MICU1: variants seen among roughly 807,000 people sequenced by gnomAD.
The protein encoded by MICU1 is calcium uptake protein 1, mitochondrial.
MICU1 carries 45 observed loss-of-function variants against 56.8 expected under a neutral mutation model. The ratio of observed to expected loss-of-function variants is 0.79; its 90% CI spans 0.62 to 1.02. The LOEUF is 1.02. Ranked by LOEUF, MICU1 falls within the 50% of genes least tolerant of loss-of-function variation. The probability of loss-of-function intolerance (pLI) is 0.00; values close to 1 mark genes in which losing one functional copy is unlikely to be tolerated. For synonymous variants in MICU1, 186 were observed against 195.1 expected (o/e 0.95, Z 0.39); for missense variants, 504 against 587.1 (o/e 0.86, Z 1.46).
At chr10:72,500,151 C>T (rs1055979925) in intron 6 of MICU1, among the ~76,000 whole-genome samples, 3 of 150,476 alleles carry the variant, frequency 2.0e-5, no homozygotes, top group African/African-American at 7.3e-5. Flanking sequence ...AATTTTAAAG[C>T]CCTGGGTACC....
At chr10:72,543,322 C>A (rs1396996271) in intron 4 of MICU1, among the ~76,000 whole-genome samples, 1 of 152,082 alleles carries the variant, frequency 6.6e-6, no homozygotes, top group East Asian at 1.9e-4. Flanking sequence ...ATGTATATAA[C>A]CATGTGAAAA....
chr10:72,404,076 G>A (rs1334675878), intron 10 of MICU1, among the ~76,000 whole-genome samples: 4 of 151,802 alleles, frequency 2.6e-5, no homozygotes, highest in Admixed American at 2.0e-4. Flanking sequence ...TGTAACCTCT[G>A]CCTCCTGGGT....
Position 72,432,087 on chromosome 10 carries a change from C to CT in MICU1, c.934-8717dup, listed in dbSNP as rs35109632. 4.4e-3 allele frequency among the ~76,000 whole-genome samples: 527 copies of CT among 120,466 alleles called. 4 individuals are homozygous for CT. Among genetic ancestry groups the CT allele is most frequent in the East Asian group, 0.027 (113 of 4,126 alleles). 79.0% of individuals were successfully genotyped at this position (120,466 alleles called of 152,430 possible). On this transcript the variant is annotated intron_variant, in intron 8 of 11. Transcript: ENST00000361114. The stretch of plus-strand genomic sequence containing the variant: ...TATTTGCTTTTTGTTAATGTATTGC[C>CT]TTTTTTTTTTTTTTTTTTTAATTTG...
intron 11 of MICU1, 63 bp downstream of exon 11, chr10:72,375,716 TTATA>T: frequency 6.9e-7 from 1 of 1,451,168 alleles, no homozygotes; most frequent in South Asian, 1.2e-5. Flanking sequence ...CAAGGCTCCA[TTATA>T]CACAAGGGCC....
intron 1 of MICU1, among the ~76,000 whole-genome samples, chr10:72,608,371 C>T (rs1468057316): frequency 6.6e-6 from 1 of 152,096 alleles, no homozygotes; most frequent in Admixed American, 6.6e-5. Context: ...CTCTCCTGGC[C>T]GAAATGCTTC....
chr10:72,431,139 T>C (rs543869025), intron 8 of MICU1, among the ~76,000 whole-genome samples: 6 of 150,634 alleles, frequency 4.0e-5, no homozygotes, highest in African/African-American at 1.5e-4. Context: ...TATCTATCTA[T>C]CTATTTTCTG....
At chr10:72,476,899 C>T (rs1290705918) in intron 7 of MICU1, among the ~76,000 whole-genome samples, 1 of 152,174 alleles carries the variant, frequency 6.6e-6, no homozygotes, top group African/African-American at 2.4e-5. Flanking sequence ...AATTTAGCTT[C>T]CCAGCTAGAG....
rs1589281241 is a variant in MICU1 at position 72,500,242 on chromosome 10, TTATATACATACATACATACATATATATA to T, written c.652+7885_652+7912del. 2.3e-5 allele frequency among the ~76,000 whole-genome samples: 3 copies of T among 128,688 alleles called. No individual in the cohort carries two copies. The East Asian group carries it at 7.7e-4, about 33-fold the overall frequency. The allele number at this position is 128,688 out of a possible 152,430, so 84.4% of individuals were successfully genotyped here. On this transcript the variant is annotated intron_variant, in intron 6 of 11. Coordinates refer to ENST00000361114, the MANE Select transcript of MICU1 (RefSeq NM_001195518.2). ...AAGGAAGTTGCTTAATGATAAACTA[TTATATACATACATACATACATATATATA>T]TATATATATATATATATATATATAT...
In MICU1 at chr10:72,451,500, T is replaced by C. The variant is rs573101677; in HGVS notation, c.933+23600A>G. Among the ~76,000 whole-genome samples, 377 of 152,240 alleles carry C rather than the reference T, an allele frequency of 2.5e-3. 2 individuals are homozygous for C. Among genetic ancestry groups the C allele is most frequent in the African/African-American group, 8.7e-3 (363 of 41,536 alleles). ...GGCAGCAGAGATCTACCTTCAAGAG[T>C]ATCAGATTTGAAGAACTAGATGTAA... On this transcript the variant is annotated intron_variant, in intron 8 of 11. Coordinates refer to ENST00000361114, the MANE Select transcript of MICU1 (RefSeq NM_001195518.2).
intron 7 of MICU1, among the ~76,000 whole-genome samples, chr10:72,476,211 A>G (rs1307586604): frequency 1.6e-5 from 2 of 127,052 alleles, no homozygotes; most frequent in African/African-American, 6.2e-5. Flanking sequence ...TGGGTGACAG[A>G]GCGAGACTCC....
chr10:72,558,523 T>C (rs571260689), intron 3 of MICU1, among the ~76,000 whole-genome samples: 6 of 152,254 alleles, frequency 3.9e-5, no homozygotes, highest in Admixed American at 3.9e-4. Context: ...ACGGCAGGGC[T>C]TCTCTTGACC....
chr10:72,589,377 T>C (rs1197949703), intron 1 of MICU1, among the ~76,000 whole-genome samples: 13 of 152,074 alleles, frequency 8.5e-5, no homozygotes, highest in Admixed American at 8.5e-4. Context: ...CAATTCTAAC[T>C]GAGGAAATGC....
intron 7 of MICU1, among the ~76,000 whole-genome samples, chr10:72,476,279 G>T (rs1052641018): frequency 1.6e-4 from 24 of 151,454 alleles, no homozygotes; most frequent in Middle Eastern, 3.2e-3. Flanking sequence ...TACAGGCTGG[G>T]GTGCAATGGC....
chr10:72,616,054 T>C (rs1283645182), intron 1 of MICU1, among the ~76,000 whole-genome samples: 5 of 152,206 alleles, frequency 3.3e-5, no homozygotes, highest in Non-Finnish European at 5.9e-5. Flanking sequence ...CTTGAGCATA[T>C]AGAATATGCT....
At chr10:72,478,923 C>T (rs1437911726) in intron 6 of MICU1, among the ~76,000 whole-genome samples, 1 of 152,198 alleles carries the variant, frequency 6.6e-6, no homozygotes, top group Non-Finnish European at 1.5e-5. Context: ...GTGTGAGCCA[C>T]CATGACCCAG....
At chr10:72,613,197 T>C (rs947409934) in intron 1 of MICU1, among the ~76,000 whole-genome samples, 2 of 151,838 alleles carry the variant, frequency 1.3e-5, no homozygotes, top group African/African-American at 4.8e-5. Flanking sequence ...TGGCTACTCA[T>C]CAAACTATTT....
At chr10:72,594,659 G>C (rs576052166) in intron 1 of MICU1, among the ~76,000 whole-genome samples, 3 of 152,190 alleles carry the variant, frequency 2.0e-5, no homozygotes, top group African/African-American at 7.2e-5. Flanking sequence ...AGCACTTTCA[G>C]GGACCGAGGT....
At chr10:72,542,188 C>G (rs1172314019) in intron 4 of MICU1, among the ~76,000 whole-genome samples, 1 of 152,080 alleles carries the variant, frequency 6.6e-6, no homozygotes, top group Non-Finnish European at 1.5e-5. Context: ...GCAGATAACT[C>G]TTTTTATGGA....
chr10:72,380,999 C>A (rs1472578800), intron 10 of MICU1, among the ~76,000 whole-genome samples: 1 of 152,148 alleles, frequency 6.6e-6, no homozygotes, highest in Non-Finnish European at 1.5e-5. Context: ...GGAACTCATA[C>A]CGACAATTTT....
Sources: gnomAD v4.1 joint callset for allele counts (sites outside exome capture counted in the v4.1 genomes callset) on GRCh38, gnomAD v4.1.1 for gene constraint, MANE v1.5 for transcripts, NCBI Gene and HGNC (gene_info 2026-07-23, HGNC 2026-07-21) for gene names.